PCDH9: variants seen among roughly 807,000 people sequenced by gnomAD.
PCDH9 encodes the protein protocadherin-9.
A neutral mutation model predicts 70.6 loss-of-function variants in PCDH9; 24 were observed. The observed-to-expected ratio is 0.34, with a 90% CI of 0.25 to 0.48. The LOEUF (loss-of-function observed/expected upper bound fraction) is 0.48, where lower values mean the gene tolerates loss of function less well. Ranked by LOEUF, PCDH9 falls within the 20% of genes least tolerant of loss-of-function variation. The probability of loss-of-function intolerance (pLI) is 0.99; values close to 1 mark genes in which losing one functional copy is unlikely to be tolerated. For missense variants in PCDH9, 1,281 were observed against 1,503.6 expected, an observed-to-expected ratio of 0.85 and a Z score of 2.45; for synonymous variants, 562 against 558.5, an observed-to-expected ratio of 1.01 and a Z score of -0.09.
At chr13:67,159,238 G>C (rs983250890) in intron 2 of PCDH9, among the ~76,000 whole-genome samples, 1 of 152,134 alleles carries the variant, frequency 6.6e-6, no homozygotes, top group African/African-American at 2.4e-5. Context: ...GGGATTGGTG[G>C]GTTCCTGAGA....
intron 3 of PCDH9, among the ~76,000 whole-genome samples, chr13:66,635,174 G>T (rs1318613946): frequency 6.6e-6 from 1 of 152,150 alleles, no homozygotes; most frequent in Non-Finnish European, 1.5e-5. Flanking sequence ...CCTCTCCAGA[G>T]CTGGGCAGTT....
intron 3 of PCDH9, among the ~76,000 whole-genome samples, chr13:66,684,828 A>C (rs1475808560): frequency 1.3e-5 from 2 of 152,170 alleles, no homozygotes; most frequent in African/African-American, 4.8e-5. Context: ...ACTGGGTTAC[A>C]GGAAGAGGAT....
At chr13:66,702,392 A>G (rs967364846) in intron 3 of PCDH9, among the ~76,000 whole-genome samples, 10 of 152,200 alleles carry the variant, frequency 6.6e-5, no homozygotes, top group African/African-American at 2.4e-4. Context: ...CAGACAGCAG[A>G]ATGATAGTTG....
intron 3 of PCDH9, among the ~76,000 whole-genome samples, chr13:66,826,959 G>A (rs971392515): frequency 1.3e-5 from 2 of 152,172 alleles, no homozygotes; most frequent in Non-Finnish European, 2.9e-5. Context: ...TACCTTATAT[G>A]ACAAAAGGGA....
intron 3 of PCDH9, among the ~76,000 whole-genome samples, chr13:66,856,049 T>C (rs1158289219): frequency 6.6e-6 from 1 of 151,996 alleles, no homozygotes; most frequent in Non-Finnish European, 1.5e-5. Flanking sequence ...ACTATAGGTA[T>C]AGGTTTTTAC....
Position 66,677,790 on chromosome 13 carries a change from T to G in PCDH9, c.3139-46379A>C, listed in dbSNP as rs892223591. 2.0e-4 allele frequency among the ~76,000 whole-genome samples: 31 copies of G among 152,262 alleles called. 1 individual carries two copies. Among genetic ancestry groups the G allele is most frequent in the African/African-American group, 7.5e-4 (31 of 41,552 alleles). ...GAAAGCCTACAGAATTGTGAGTCAA[T>G]TGAACCTCTTCTCTTTATAAATTAC... On this transcript the variant is annotated intron_variant, in intron 3 of 4. Coordinates refer to ENST00000377865, the MANE Select transcript of PCDH9 (RefSeq NM_203487.3).
intron 2 of PCDH9, among the ~76,000 whole-genome samples, chr13:67,181,252 G>A (rs2088607200): frequency 6.6e-6 from 1 of 152,152 alleles, no homozygotes; most frequent in African/African-American, 2.4e-5. Context: ...AATCAAACTT[G>A]CATATAGTGC....
intron 2 of PCDH9, among the ~76,000 whole-genome samples, chr13:67,009,200 C>G (rs557145844): frequency 5.3e-5 from 8 of 152,100 alleles, no homozygotes; most frequent in Non-Finnish European, 1.2e-4. Flanking sequence ...GTGTTGGGCT[C>G]TAGAATTTGC....
chr13:67,181,999 G>T (rs1009903767), intron 2 of PCDH9, among the ~76,000 whole-genome samples: 16 of 152,084 alleles, frequency 1.1e-4, no homozygotes, highest in African/African-American at 3.9e-4. Context: ...TCCTGTGGTG[G>T]TTCCTCTCCT....
At chr13:66,337,689 C>T (rs971004513) in intron 4 of PCDH9, among the ~76,000 whole-genome samples, 8 of 151,980 alleles carry the variant, frequency 5.3e-5, no homozygotes, top group Non-Finnish European at 1.2e-4. Context: ...AGGACAAGGA[C>T]ATCTTAAGTA....
At chr13:66,309,358 C>T (rs528211827) in intron 4 of PCDH9, among the ~76,000 whole-genome samples, 3 of 151,792 alleles carry the variant, frequency 2.0e-5, no homozygotes, top group South Asian at 2.1e-4. Context: ...TACATTCATT[C>T]GACTGGTCTC....
chr13:67,089,904 T>C (rs754787698), intron 2 of PCDH9, among the ~76,000 whole-genome samples: 4 of 152,004 alleles, frequency 2.6e-5, no homozygotes, highest in Non-Finnish European at 5.9e-5. Context: ...GTAACTACAA[T>C]GATTCACACT....
At chr13:67,038,811 G>C (rs1256023661) in intron 2 of PCDH9, among the ~76,000 whole-genome samples, 1 of 152,126 alleles carries the variant, frequency 6.6e-6, no homozygotes, top group Non-Finnish European at 1.5e-5. Flanking sequence ...TTGGGTCTTT[G>C]CCCTGGTTCC....
intron 2 of PCDH9, among the ~76,000 whole-genome samples, chr13:67,090,712 C>T (rs531027567): frequency 2.6e-5 from 4 of 151,262 alleles, no homozygotes; most frequent in Non-Finnish European, 5.9e-5. Context: ...TCAGAAAATA[C>T]GAAAAAAAGA....
chr13:66,628,088 C>T (rs1032336023), intron 4 of PCDH9, among the ~76,000 whole-genome samples: 4 of 151,966 alleles, frequency 2.6e-5, no homozygotes, highest in East Asian at 1.9e-4. Context: ...AAAGCAGACC[C>T]GTATTGGTAA....
chr13:66,326,194 AC>A (rs1955840051), intron 4 of PCDH9, among the ~76,000 whole-genome samples: 1 of 152,100 alleles, frequency 6.6e-6, no homozygotes, highest in African/African-American at 2.4e-5. Flanking sequence ...AAACCAGGAC[AC>A]AGGTGGATAC....
chr13:66,646,877 C>A (rs1046252365), intron 3 of PCDH9, among the ~76,000 whole-genome samples: 1 of 152,132 alleles, frequency 6.6e-6, no homozygotes, highest in African/African-American at 2.4e-5. Context: ...GGTGTGGAGA[C>A]AGTATCTGTA....
chr13:67,107,853 C>T (rs2086578532), intron 2 of PCDH9, among the ~76,000 whole-genome samples: 1 of 152,204 alleles, frequency 6.6e-6, no homozygotes, highest in South Asian at 2.1e-4. Flanking sequence ...CCTAGAGGCC[C>T]CCCAAGCCAG....
intron 4 of PCDH9, among the ~76,000 whole-genome samples, chr13:66,309,091 C>T (rs928385278): frequency 4.6e-5 from 7 of 151,952 alleles, no homozygotes; most frequent in South Asian, 2.1e-4. Context: ...CTTTATGCTT[C>T]GGTAAGTTTT....
Sources: allele counts gnomAD v4.1 joint callset (sites outside exome capture counted in the v4.1 genomes callset), GRCh38; gene constraint gnomAD v4.1.1; transcripts MANE v1.5; gene names NCBI Gene and HGNC (gene_info 2026-07-23, HGNC 2026-07-21).